Variants in ZNF570 observed in about 807,000 individuals in gnomAD.
The protein encoded by ZNF570 is zinc finger protein 570.
In ZNF570, 8 loss-of-function variants were observed where a neutral mutation model predicts 14.2. That is an observed-to-expected ratio of 0.56 (90% CI 0.33 to 1.02). The LOEUF (loss-of-function observed/expected upper bound fraction) is 1.02. Among genes scored for constraint, ZNF570 ranks in the 50% least tolerant of loss-of-function variants. The pLI, the probability that ZNF570 is intolerant of heterozygous loss-of-function variation, is 0.03. For synonymous variants in ZNF570, 202 were observed against 207.6 expected (o/e 0.97, Z 0.23); for missense variants, 559 against 624.9 (o/e 0.89, Z 1.12).
upstream of ZNF570, chr19:37,469,334 C>CG (rs2041912427): frequency 3.5e-6 from 5 of 1,417,602 alleles, no homozygotes; most frequent in Non-Finnish European, 4.6e-6. Flanking sequence ...TTGTGTCCTC[C>CG]GGGGGCGGAG....
chr19:37,483,796 A>G, intron 4 of ZNF570, 83 bp from the exon 5 acceptor site: 1 of 1,395,934 alleles, frequency 7.2e-7, no homozygotes. Flanking sequence ...TAATTCACAT[A>G]TTTTACTTTA....
intron 4 of ZNF570, among the ~76,000 whole-genome samples, chr19:37,481,230 C>T (rs1027859829): frequency 7.2e-5 from 11 of 151,760 alleles, no homozygotes; most frequent in African/African-American, 9.7e-5. Flanking sequence ...CTCGGCTCAC[C>T]GCAACCTCCC....
intron 4 of ZNF570, among the ~76,000 whole-genome samples, chr19:37,480,375 T>C (rs1484398505): frequency 6.6e-6 from 1 of 151,966 alleles, no homozygotes; most frequent in African/African-American, 2.4e-5. Flanking sequence ...TCCCAGCTAC[T>C]TGGGAGGCTG....
intron 4 of ZNF570, among the ~76,000 whole-genome samples, chr19:37,483,032 C>T (rs901501033): frequency 6.6e-6 from 1 of 152,058 alleles, no homozygotes; most frequent in East Asian, 1.9e-4. Flanking sequence ...TTTACAGCAA[C>T]GTGAAAATGT....
chr19:37,470,366 G>T lies in ZNF570; in HGVS notation c.12G>T (p.Gly4=), dbSNP rs933650418. ...AGGAGGAAGAAAGAATGGCTGTTGG[G>T]CTTCTTAAAGCCATGTACCAGGTGT... MAV[G]LLKAMYQELV... is the part of the protein sequence containing the mutation. The change falls in exon 2 of 5, where the codon GGG becomes GGT. Residue 4 remains glycine, a synonymous_variant. Transcript: ENST00000330173. 2.5e-6 allele frequency: 4 copies of T among 1,614,070 alleles called. No individual in the cohort carries two copies. Among genetic ancestry groups the T allele is most frequent in the Non-Finnish European group, 3.4e-6 (4 of 1,179,944 alleles).
At chr19:37,475,244 G>T (rs564497365) in intron 2 of ZNF570, among the ~76,000 whole-genome samples, 2 of 152,178 alleles carry the variant, frequency 1.3e-5, no homozygotes, top group African/African-American at 4.8e-5. Context: ...GATTACAGGC[G>T]TGAGCCCAGC....
intron 2 of ZNF570, among the ~76,000 whole-genome samples, chr19:37,475,211 G>A (rs1478071240): frequency 6.6e-6 from 1 of 152,118 alleles, no homozygotes; most frequent in Non-Finnish European, 1.5e-5. Flanking sequence ...TGATCCACCT[G>A]CCTTGGCCTC....
rs549499986 is a variant in ZNF570 at position 37,486,784 on chromosome 19, T to G, written c.*1551T>G. On this transcript the variant is annotated 3_prime_UTR_variant, in exon 5 of 5. Transcript: ENST00000330173. The stretch of plus-strand genomic sequence containing the variant: ...CAGATAATGAATTGGATAAGCCAAT[T>G]AAGAAAAATAGAATTCACTGGGAAG... 2.0e-5 allele frequency: 3 copies of G among 152,224 alleles called. No individual in the cohort carries two copies. The highest frequency in any genetic ancestry group is 7.2e-5 in the African/African-American group (3 of 41,538). The allele number at this position is 152,224 out of a possible 1,614,324, so 9.4% of individuals were successfully genotyped here.
At position 37,475,991 on chromosome 19, in the gene ZNF570, G is replaced by A; in HGVS notation, c.144G>A (p.Arg48=). 1 of 1,611,512 alleles carries A rather than the reference G, an allele frequency of 6.2e-7. No homozygotes were observed. The highest frequency in any genetic ancestry group is 1.1e-5 in the South Asian group (1 of 90,314). Reference sequence around the variant, plus strand: ...GTAATGTGATGCTAGAGAACTACAGGATCTTGGTATCACTGGGTAAGGATA... The same window carrying A: ...GTAATGTGATGCTAGAGAACTACAGAATCTTGGTATCACTGGGTAAGGATA... ...LYSNVMLENY[R]ILVSLGLCFS... is the part of the protein sequence containing the mutation. The change falls in exon 3 of 5, where the codon AGG becomes AGA. Residue 48 remains arginine, a synonymous_variant. Transcript: ENST00000330173.
chr19:37,468,557 G>A (rs527457701), upstream of ZNF570, among the ~76,000 whole-genome samples: 15 of 152,248 alleles, frequency 9.9e-5, no homozygotes, highest in East Asian at 1.9e-4. Context: ...GTGCAGTGGC[G>A]CGATCTCGGC....
intron 4 of ZNF570, among the ~76,000 whole-genome samples, chr19:37,483,651 C>T (rs1401922299): frequency 2.0e-5 from 3 of 152,220 alleles, no homozygotes; most frequent in Admixed American, 2.0e-4. Context: ...CTAATTTCTT[C>T]TGCCCTGAGA....
rs2147032496 is a variant in ZNF570 at position 37,488,241 on chromosome 19, C to A, written c.*3008C>A. 1 of 152,236 alleles carries A rather than the reference C, an allele frequency of 6.6e-6. No homozygotes were observed. The highest frequency in any genetic ancestry group is 6.5e-5 in the Admixed American group (1 of 15,284). The allele number at this position is 152,236 out of a possible 1,614,324, so 9.4% of individuals were successfully genotyped here. On this transcript the variant is annotated 3_prime_UTR_variant, in exon 5 of 5. Transcript: ENST00000330173. ...ATAGAATGCAAACTAAAATGAATAA[C>A]TAGAGATATTTCTGTCAACATGGGT...
chr19:37,468,091 T>C, upstream of ZNF570: 1 of 683,574 alleles, frequency 1.5e-6, no homozygotes, highest in Admixed American at 2.9e-5. Context: ...TTTTGTTTGT[T>C]TTGTTTTTTT....
rs764609936 is a variant in ZNF570, at chr19:37,471,009, ATTTTTTT to A, written c.33+636_33+642del. On this transcript the variant is annotated intron_variant, in intron 2 of 4. Transcript: ENST00000330173. ...GCTACCATGCCTGGCCAGTGAGTAC[ATTTTTTT>A]TTTTTTTTTTTTTGTTGAGACGGAG... 4.9e-4 allele frequency among the ~76,000 whole-genome samples: 41 copies of A among 84,372 alleles called. 1 individual carries two copies. The highest frequency in any genetic ancestry group is 3.7e-3 in the Admixed American group (25 of 6,808). The allele number at this position is 84,372 out of a possible 152,430, so 55.4% of individuals were successfully genotyped here. A position where few individuals can be genotyped will look rare whatever the true frequency, so the allele number is the denominator to read the frequency against.
chr19:37,482,288 G>A (rs936562470), intron 4 of ZNF570, among the ~76,000 whole-genome samples: 7 of 152,150 alleles, frequency 4.6e-5, no homozygotes, highest in Non-Finnish European at 7.3e-5. Context: ...TAATTTCTAC[G>A]AAAAGAGGTT....
intron 2 of ZNF570, among the ~76,000 whole-genome samples, chr19:37,474,971 T>G (rs1312880069): frequency 6.6e-6 from 1 of 151,002 alleles, no homozygotes; most frequent in Non-Finnish European, 1.5e-5. Context: ...GTTTTTGTTT[T>G]TTTTTTTTTT....
rs1310347001 is a variant in ZNF570, at chr19:37,487,253, G to A, written c.*2020G>A. On this transcript the variant is annotated 3_prime_UTR_variant, in exon 5 of 5. Coordinates refer to ENST00000330173, the MANE Select transcript of ZNF570 (RefSeq NM_144694.5). ...AGCACTACCCCCAGCTAATTGTATG[G>A]TTAAATTCGGGTAATTTAGAAGGCA... is the stretch of plus-strand genomic sequence containing the variant. 1 of 146,286 alleles carries A rather than the reference G, an allele frequency of 6.8e-6. No homozygotes were observed. The highest frequency in any genetic ancestry group is 2.5e-5 in the African/African-American group (1 of 39,746). 9.1% of individuals were successfully genotyped at this position (146,286 alleles called of 1,614,324 possible).
At chr19:37,468,769 G>A (rs2041896932), upstream of ZNF570, among the ~76,000 whole-genome samples, 1 of 152,222 alleles carries the variant, frequency 6.6e-6, no homozygotes, top group African/African-American at 2.4e-5. Context: ...GCCTTCCAAA[G>A]TGCTGGGATT....
In ZNF570 at chr19:37,484,386, T is replaced by C; in HGVS notation, c.764T>C (p.Phe255Ser). 2 of 1,614,116 alleles carry C rather than the reference T, an allele frequency of 1.2e-6. No individual in the cohort carries two copies. The highest frequency in any genetic ancestry group is 1.7e-6 in the Non-Finnish European group (2 of 1,180,016). Residue 255 changes from phenylalanine (F) to serine (S), a missense_variant, in exon 5 of 5, where the codon TTC becomes TCC. Coordinates refer to ENST00000330173, the MANE Select transcript of ZNF570 (RefSeq NM_144694.5). The part of the protein sequence containing the change: ...PYKCIECGKA[F>S]SQRSNLVQHQ... ...AAATGTATAGAGTGTGGAAAAGCCT[T>C]CAGCCAGAGATCAAATCTTGTTCAA...
Sources: gnomAD v4.1 joint callset for allele counts (sites outside exome capture counted in the v4.1 genomes callset) on GRCh38, gnomAD v4.1.1 for gene constraint, MANE v1.5 for transcripts, NCBI Gene and HGNC (gene_info 2026-07-23, HGNC 2026-07-21) for gene names.